Variants in KATNBL1 observed in about 807,000 individuals in gnomAD.
The protein encoded by KATNBL1 is KATNB1-like protein 1.
A neutral mutation model predicts 44.7 loss-of-function variants in KATNBL1; 28 were observed. The observed-to-expected ratio is 0.63, with a 90% CI of 0.46 to 0.86. The LOEUF is 0.86. KATNBL1 is among the 40% of genes least tolerant of loss of function. KATNBL1 has a pLI of 0.00. For missense variants in KATNBL1, 272 were observed against 350.7 expected (o/e 0.78, Z 1.79); for synonymous variants, 78 against 114.9 (o/e 0.68, Z 2.06).
At chr15:34,152,639 T>A (rs931733371) in intron 4 of KATNBL1, 151 bp downstream of exon 4, 20 of 608,922 alleles carry the variant, frequency 3.3e-5, no homozygotes, top group Admixed American at 6.9e-5. Flanking sequence ...TTGGTTAATC[T>A]AGAAAATTGT....
At chr15:34,186,715 T>C (rs1262428825) in intron 1 of KATNBL1, among the ~76,000 whole-genome samples, 1 of 152,196 alleles carries the variant, frequency 6.6e-6, no homozygotes, top group Admixed American at 6.5e-5. Context: ...CTGCTCCCAC[T>C]GCCTGGCCTC....
At chr15:34,152,036 G>A (rs1350803759) in intron 4 of KATNBL1, among the ~76,000 whole-genome samples, 1 of 151,182 alleles carries the variant, frequency 6.6e-6, no homozygotes, top group Admixed American at 6.6e-5. Context: ...TGCCTCCCAG[G>A]TTCAAGTGAT....
chr15:34,193,604 C>T (rs981620574), intron 1 of KATNBL1, among the ~76,000 whole-genome samples: 2 of 152,040 alleles, frequency 1.3e-5, no homozygotes, highest in African/African-American at 4.8e-5. Flanking sequence ...GTAATCCTAG[C>T]AATTTGGGAG....
intron 2 of KATNBL1, among the ~76,000 whole-genome samples, chr15:34,157,358 T>G (rs1047266700): frequency 4.6e-5 from 7 of 152,162 alleles, no homozygotes; most frequent in African/African-American, 1.7e-4. Flanking sequence ...GTTTGAACTG[T>G]GGTCTCAATG....
At chr15:34,186,926 G>A (rs953254664) in intron 1 of KATNBL1, among the ~76,000 whole-genome samples, 23 of 152,234 alleles carry the variant, frequency 1.5e-4, no homozygotes, top group Admixed American at 1.4e-3. Context: ...GACTCGTGGT[G>A]CCTCTTCCGG....
At chr15:34,151,719 T>G (rs1054820960) in intron 4 of KATNBL1, among the ~76,000 whole-genome samples, 4 of 152,036 alleles carry the variant, frequency 2.6e-5, no homozygotes, top group African/African-American at 7.2e-5. Context: ...CCACCATGCC[T>G]AGCTAATTTT....
chr15:34,170,833 GA>G (rs1490155482), intron 1 of KATNBL1, among the ~76,000 whole-genome samples: 4 of 152,196 alleles, frequency 2.6e-5, no homozygotes, highest in Non-Finnish European at 5.9e-5. Context: ...AAGCAATGGG[GA>G]AAGGATTCCC....
Position 34,154,637 on chromosome 15 carries a change from C to T in KATNBL1, c.158+7G>A, listed in dbSNP as rs762153232. On this transcript the variant is annotated splice_region_variant and intron_variant, in intron 3 of 9. Coordinates refer to ENST00000256544, the MANE Select transcript of KATNBL1 (RefSeq NM_024713.3). ...TTGTTCCCCACAAACTTTAAAGAAA[C>T]TCTTACCTATTTATGTAAGCAGCCA... 2 of 1,555,200 alleles carry T rather than the reference C, an allele frequency of 1.3e-6. No individual in the cohort carries two copies. Among genetic ancestry groups the T allele is most frequent in the Admixed American group, 3.3e-5 (2 of 59,814 alleles).
Position 34,141,012 on chromosome 15 carries a change from G to C in KATNBL1, c.*1327C>G, listed in dbSNP as rs1168234375. The C allele has an allele frequency of 1.3e-5, 2 of 152,144 alleles. No homozygotes were observed. The highest frequency in any genetic ancestry group is 2.9e-5 in the Non-Finnish European group (2 of 67,998). 9.4% of individuals were successfully genotyped at this position (152,144 alleles called of 1,614,324 possible). A position where few individuals can be genotyped will look rare whatever the true frequency, so the allele number is the denominator to read the frequency against. ...GCTAAAGGTTTACATTCAAGTGCTT[G>C]AAGGACTACTGCAGAGAAATTCAAT... On this transcript the variant is annotated 3_prime_UTR_variant, in exon 10 of 10. Coordinates refer to ENST00000256544, the MANE Select transcript of KATNBL1 (RefSeq NM_024713.3).
intron 5 of KATNBL1, 95 bp from the exon 6 acceptor site, chr15:34,147,525 T>C (rs1888346422): frequency 2.1e-6 from 2 of 971,834 alleles, no homozygotes; most frequent in South Asian, 2.9e-5. Flanking sequence ...AGAAATTCAT[T>C]CATTTAACAA....
chr15:34,203,024 C>A (rs1046060392), intron 1 of KATNBL1, among the ~76,000 whole-genome samples: 1 of 151,986 alleles, frequency 6.6e-6, no homozygotes, highest in East Asian at 1.9e-4. Flanking sequence ...AATCTCTCAT[C>A]ATACTGTTTC....
In KATNBL1 at chr15:34,148,973, C is replaced by T. The variant is rs1888389926; in HGVS notation, c.439-223G>A. Reference sequence around the variant, plus strand: ...ACTAGCTACCATTTTTCTTTTAAAACCCAATAATTTATAAAATTATTTTTA... The same window carrying T: ...ACTAGCTACCATTTTTCTTTTAAAATCCAATAATTTATAAAATTATTTTTA... On this transcript the variant is annotated intron_variant, in intron 4 of 9. Transcript: ENST00000256544. Among the ~76,000 whole-genome samples the T allele has an allele frequency of 1.3e-5, 2 of 152,110 alleles. 1 individual carries two copies. The highest frequency in any genetic ancestry group is 4.1e-4 in the South Asian group (2 of 4,824).
chr15:34,177,633 T>TAA (rs10524351), intron 1 of KATNBL1, among the ~76,000 whole-genome samples: 2 of 91,906 alleles, frequency 2.2e-5, no homozygotes, highest in Non-Finnish European at 4.1e-5. Context: ...AACTCTGTCT[T>TAA]AAAAAAAAAA....
intron 1 of KATNBL1, among the ~76,000 whole-genome samples, chr15:34,205,183 G>A (rs904632619): frequency 6.6e-6 from 1 of 151,960 alleles, no homozygotes; most frequent in African/African-American, 2.4e-5. Flanking sequence ...TAGTAAAGAC[G>A]GGGTTTCACT....
At chr15:34,159,543 T>A (rs1357007639) in intron 2 of KATNBL1, among the ~76,000 whole-genome samples, 1 of 152,238 alleles carries the variant, frequency 6.6e-6, no homozygotes, top group African/African-American at 2.4e-5. Context: ...GTTTTAAATT[T>A]ACCCTGGCTT....
chr15:34,192,403 C>CAAA lies in KATNBL1; in HGVS notation c.-15+17545_-15+17547dup, dbSNP rs199991134. Among the ~76,000 whole-genome samples, 72 of 107,266 alleles carry CAAA rather than the reference C, an allele frequency of 6.7e-4. 1 individual carries two copies. The highest frequency in any genetic ancestry group is 1.0e-3 in the African/African-American group (34 of 34,126). The allele number at this position is 107,266 out of a possible 152,430, so 70.4% of individuals were successfully genotyped here. ...TGGGCGACAGAGTGAGACTCCATCT[C>CAAA]AAAAAAAAAAAAAAAACAAAAACAA... is the stretch of plus-strand genomic sequence containing the variant. On this transcript the variant is annotated intron_variant, in intron 1 of 9. Transcript: ENST00000256544.
At chr15:34,173,673 A>C (rs952915800) in intron 1 of KATNBL1, among the ~76,000 whole-genome samples, 2 of 152,220 alleles carry the variant, frequency 1.3e-5, no homozygotes, top group African/African-American at 4.8e-5. Flanking sequence ...GAAAACTGGT[A>C]TACATCGGAG....
intron 1 of KATNBL1, among the ~76,000 whole-genome samples, chr15:34,196,545 T>C (rs1890034695): frequency 6.6e-6 from 1 of 152,134 alleles, no homozygotes; most frequent in African/African-American, 2.4e-5. Context: ...CTAGCCAACA[T>C]GGCGAAACCC....
In KATNBL1 at chr15:34,140,844, C is replaced by G. The variant is rs1888133775; in HGVS notation, c.*1495G>C. ...TAATCTAAAGACTTAAGGAAATAAC[C>G]AATTATTACAATTCATGTTCACTGT... On this transcript the variant is annotated 3_prime_UTR_variant, in exon 10 of 10. Transcript: ENST00000256544. 1 of 151,970 alleles carries G rather than the reference C, an allele frequency of 6.6e-6. No homozygotes were observed. The highest frequency in any genetic ancestry group is 6.6e-5 in the Admixed American group (1 of 15,256). 9.4% of individuals were successfully genotyped at this position (151,970 alleles called of 1,614,324 possible).
Sources: gnomAD v4.1 joint callset for allele counts (sites outside exome capture counted in the v4.1 genomes callset) on GRCh38, gnomAD v4.1.1 for gene constraint, MANE v1.5 for transcripts, NCBI Gene and HGNC (gene_info 2026-07-23, HGNC 2026-07-21) for gene names.